SLC35F3: variants seen among roughly 807,000 people sequenced by gnomAD.
SLC35F3 encodes the protein putative thiamine transporter SLC35F3.
A neutral mutation model predicts 49.9 loss-of-function variants in SLC35F3; 25 were observed. The observed-to-expected ratio is 0.50, with a 90% confidence interval of 0.37 to 0.70. The LOEUF (loss-of-function observed/expected upper bound fraction) is 0.70. Among genes scored for constraint, SLC35F3 ranks in the 30% least tolerant of loss-of-function variants. SLC35F3 has a pLI of 0.00. For missense variants in SLC35F3, 525 were observed against 639.8 expected, an observed-to-expected ratio of 0.82 and a Z score of 1.94; for synonymous variants, 275 against 265.4, an observed-to-expected ratio of 1.04 and a Z score of -0.35.
intron 2 of SLC35F3, among the ~76,000 whole-genome samples, chr1:234,071,468 G>T (rs1460037647): frequency 1.3e-5 from 2 of 152,190 alleles, no homozygotes; most frequent in Admixed American, 6.5e-5. Context: ...AAGTTAATGG[G>T]TGGGTGGACA....
intron 2 of SLC35F3, among the ~76,000 whole-genome samples, chr1:233,939,314 G>A (rs111548059): frequency 0.15 from 22,649 of 152,048 alleles, 2,443 homozygotes; most frequent in African/African-American, 0.3. Flanking sequence ...AATTGGTTGG[G>A]TATGGAAGCA....
chr1:233,926,510 G>C (rs920873809), intron 2 of SLC35F3, among the ~76,000 whole-genome samples: 11 of 152,036 alleles, frequency 7.2e-5, no homozygotes, highest in African/African-American at 2.4e-4. Flanking sequence ...TCTCTATGCT[G>C]TTTATTCTAG....
At chr1:234,151,541 A>C (rs1201470372) in intron 2 of SLC35F3, among the ~76,000 whole-genome samples, 3 of 152,010 alleles carry the variant, frequency 2.0e-5, no homozygotes, top group African/African-American at 4.8e-5. Context: ...GAAAAAAAAA[A>C]CCATAAACCA....
chr1:234,050,950 A>G (rs980682052), intron 2 of SLC35F3, among the ~76,000 whole-genome samples: 2 of 152,004 alleles, frequency 1.3e-5, no homozygotes. Context: ...ATGGTTGTAG[A>G]TGTGTGGTAT....
chr1:233,965,696 C>A (rs973905292), intron 2 of SLC35F3, among the ~76,000 whole-genome samples: 1 of 152,286 alleles, frequency 6.6e-6, no homozygotes, highest in East Asian at 1.9e-4. Context: ...CTTCCCCACT[C>A]CAGCCTCCAG....
At chr1:234,118,988 T>C (rs1313898775) in intron 2 of SLC35F3, among the ~76,000 whole-genome samples, 2 of 152,004 alleles carry the variant, frequency 1.3e-5, no homozygotes, top group East Asian at 3.9e-4. Flanking sequence ...CATTCTGTAT[T>C]AGTTGGCTTT....
intron 2 of SLC35F3, among the ~76,000 whole-genome samples, chr1:234,043,316 C>T (rs1050775949): frequency 2.0e-5 from 3 of 152,060 alleles, no homozygotes; most frequent in Non-Finnish European, 2.9e-5. Flanking sequence ...TGTTAATGCT[C>T]ATTATAACTA....
chr1:234,069,218 ATATATAATTT>A (rs1045575397), intron 2 of SLC35F3, among the ~76,000 whole-genome samples: 1 of 140,468 alleles, frequency 7.1e-6, no homozygotes, highest in African/African-American at 2.6e-5. Context: ...ATATTATATT[ATATATAATTT>A]TATATAAAAA....
chr1:234,239,273 G>A (rs1444896488), intron 3 of SLC35F3, among the ~76,000 whole-genome samples: 1 of 152,206 alleles, frequency 6.6e-6, no homozygotes, highest in Admixed American at 6.5e-5. Context: ...GGTCAGATGA[G>A]AAGGAGGGCC....
intron 2 of SLC35F3, among the ~76,000 whole-genome samples, chr1:234,015,081 C>G (rs1663780824): frequency 6.6e-6 from 1 of 152,296 alleles, no homozygotes; most frequent in Admixed American, 6.5e-5. Context: ...TACAGTGGCT[C>G]ATGCCTGTAA....
chr1:234,239,829 G>A (rs557734654), intron 3 of SLC35F3, among the ~76,000 whole-genome samples: 107 of 152,274 alleles, frequency 7.0e-4, no homozygotes, highest in African/African-American at 2.1e-3. Flanking sequence ...TGGCAACATG[G>A]TCATAGGTAA....
chr1:234,126,575 G>A (rs1212330192), intron 2 of SLC35F3, among the ~76,000 whole-genome samples: 1 of 151,892 alleles, frequency 6.6e-6, no homozygotes, highest in East Asian at 1.9e-4. Context: ...CATGACCGCA[G>A]GCTCCCTCTT....
chr1:234,035,107 G>A (rs915515823), intron 2 of SLC35F3, among the ~76,000 whole-genome samples: 2 of 152,016 alleles, frequency 1.3e-5, no homozygotes, highest in African/African-American at 4.8e-5. Context: ...CCTGCCTTCC[G>A]ATCCCTGCAT....
At chr1:233,986,265 A>G (rs759122611) in intron 2 of SLC35F3, among the ~76,000 whole-genome samples, 6 of 152,130 alleles carry the variant, frequency 3.9e-5, no homozygotes, top group Non-Finnish European at 5.9e-5. Context: ...AAATTTTCAA[A>G]TAATTCTTTG....
At chr1:234,185,146 G>T (rs1666622489) in intron 2 of SLC35F3, among the ~76,000 whole-genome samples, 1 of 152,168 alleles carries the variant, frequency 6.6e-6, no homozygotes, top group Non-Finnish European at 1.5e-5. Flanking sequence ...AGAAGGAGGA[G>T]GGAGCTCTAC....
intron 2 of SLC35F3, among the ~76,000 whole-genome samples, chr1:233,986,406 A>C (rs1440714786): frequency 3.3e-5 from 5 of 152,118 alleles, no homozygotes; most frequent in African/African-American, 7.2e-5. Context: ...AATTTTTAAC[A>C]TGGTGGTTTA....
At chr1:234,160,471 A>T (rs1472083067) in intron 2 of SLC35F3, among the ~76,000 whole-genome samples, 1 of 152,190 alleles carries the variant, frequency 6.6e-6, no homozygotes, top group Non-Finnish European at 1.5e-5. Context: ...CTGTCCAGGG[A>T]GAACCTAGAG....
At chr1:234,121,036 T>C (rs1665562911) in intron 2 of SLC35F3, among the ~76,000 whole-genome samples, 1 of 152,160 alleles carries the variant, frequency 6.6e-6, no homozygotes, top group Non-Finnish European at 1.5e-5. Flanking sequence ...GTTTTAACCA[T>C]TGTTTGCAAC....
chr1:234,198,081 G>GT lies in SLC35F3; in HGVS notation c.284-33335dup, dbSNP rs35387750. Among the ~76,000 whole-genome samples, 502 of 152,334 alleles carry GT rather than the reference G, an allele frequency of 3.3e-3. 5 individuals are homozygous for GT. Among genetic ancestry groups the GT allele is most frequent in the African/African-American group, 0.012 (480 of 41,576 alleles). ...TGGGCATCTGACAGATGGTTAACCT[G>GT]TGAGTCTCAACTCTGCAGAGTGATT... On this transcript the variant is annotated intron_variant, in intron 2 of 7. Transcript: ENST00000366618.
Sources: gnomAD v4.1 joint callset for allele counts (sites outside exome capture counted in the v4.1 genomes callset) on GRCh38, gnomAD v4.1.1 for gene constraint, MANE v1.5 for transcripts, NCBI Gene and HGNC (gene_info 2026-07-23, HGNC 2026-07-21) for gene names.